The following FCRL6 variants were observed in gnomAD, a reference collection of about 807,000 sequenced individuals.
FCRL6 encodes the protein Fc receptor like 6.
Under a neutral mutation model 49.1 loss-of-function variants are expected in FCRL6, and 50 were observed. That is an observed-to-expected ratio of 1.02 (90% confidence interval 0.81 to 1.29). FCRL6 has a LOEUF of 1.29. Among genes scored for constraint, FCRL6 ranks in the 50% most tolerant of loss-of-function variants. The pLI, the probability that FCRL6 is intolerant of heterozygous loss-of-function variation, is 0.00. For missense variants in FCRL6, 571 were observed against 518.5 expected (o/e 1.10, Z -0.98); for synonymous variants, 213 against 199.6 (o/e 1.07, Z -0.57).
intron 1 of FCRL6, 131 bp downstream of exon 1, chr1:159,802,586 G>T (rs1662409452): frequency 3.8e-6 from 3 of 784,192 alleles, no homozygotes; most frequent in Middle Eastern, 2.3e-4. Context: ...ACAGGTGTGT[G>T]CACCTGGGCA....
upstream of FCRL6, among the ~76,000 whole-genome samples, chr1:159,802,038 A>G (rs377613001): frequency 2.0e-5 from 3 of 152,098 alleles, no homozygotes; most frequent in East Asian, 5.8e-4. Flanking sequence ...GCTGTCTCCC[A>G]GGCTGAATGA....
At chr1:159,803,687 T>A (rs1009613387) in intron 1 of FCRL6, among the ~76,000 whole-genome samples, 3 of 152,114 alleles carry the variant, frequency 2.0e-5, no homozygotes, top group Non-Finnish European at 2.9e-5. Flanking sequence ...CTGAGAGTGT[T>A]CCAGCTTGGA....
chr1:159,810,498 G>A (rs1663028419), intron 6 of FCRL6, among the ~76,000 whole-genome samples: 1 of 151,662 alleles, frequency 6.6e-6, no homozygotes, highest in African/African-American at 2.4e-5. Context: ...ATAAACCAAG[G>A]AATTATTACA....
In FCRL6 at chr1:159,813,557, A is replaced by G; in HGVS notation, c.1075+3A>G. 6.2e-7 allele frequency: 1 copy of G among 1,613,716 alleles called. No individual in the cohort carries two copies. ...GCAGTGCCCACTATATGCCAACGGT[A>G]AGGACTTCCAGCAGGATGGTGGTGT... On this transcript the variant is annotated splice_donor_region_variant and intron_variant, in intron 7 of 9. Coordinates refer to ENST00000368106, the MANE Select transcript of FCRL6 (RefSeq NM_001004310.3).
At position 159,814,282 on chromosome 1, in the gene FCRL6, G is replaced by T; in HGVS notation, c.1137G>T (p.Lys379Asn). ...VVYSVVHRTS[K>N]RSEARSAEFT... ...ACTCTGTGGTGCATAGAACCTCAAA[G>T]AGGAGTGAAGGTGAGTGATCTCAGG... Residue 379 changes from lysine (K) to asparagine (N), a missense_variant, in exon 8 of 10, where the codon AAG becomes AAT. Physicochemically the swap from Lys to Asn is moderately conservative, Grantham distance 94 (BLOSUM62 0). Coordinates refer to ENST00000368106, the MANE Select transcript of FCRL6 (RefSeq NM_001004310.3). 6.2e-7 allele frequency: 1 copy of T among 1,614,154 alleles called. No homozygotes were observed. Among genetic ancestry groups the T allele is most frequent in the Non-Finnish European group, 8.5e-7 (1 of 1,179,980 alleles).
At chr1:159,814,186 G>C (rs778288821) in intron 7 of FCRL6, 35 bp from the exon 8 acceptor site, 5 of 1,591,156 alleles carry the variant, frequency 3.1e-6, no homozygotes, top group Admixed American at 3.3e-5. Flanking sequence ...GGGAGAGTCA[G>C]GAGGATCCTA....
chr1:159,805,179 G>A (rs1245031497), intron 1 of FCRL6, among the ~76,000 whole-genome samples: 1 of 152,120 alleles, frequency 6.6e-6, no homozygotes, highest in South Asian at 2.1e-4. Flanking sequence ...ATAAAGAAGA[G>A]ACTCATTGTT....
In FCRL6 at chr1:159,813,565, C is replaced by A. The variant is rs984736044; in HGVS notation, c.1075+11C>A. 3.7e-6 allele frequency: 6 copies of A among 1,613,044 alleles called. No homozygotes were observed. The Admixed American group carries it at 1.0e-4, about 27-fold the overall frequency. ...CACTATATGCCAACGGTAAGGACTT[C>A]CAGCAGGATGGTGGTGTGCCCATGT... On this transcript the variant is annotated intron_variant, in intron 7 of 9. Transcript: ENST00000368106.
chr1:159,811,191 T>C (rs1663067222), intron 6 of FCRL6, among the ~76,000 whole-genome samples: 1 of 152,248 alleles, frequency 6.6e-6, no homozygotes, highest in Admixed American at 6.5e-5. Flanking sequence ...AGCAATTAGT[T>C]TGGGGGGCCA....
intron 8 of FCRL6, among the ~76,000 whole-genome samples, chr1:159,814,918 A>G (rs1055995162): frequency 6.6e-6 from 1 of 152,214 alleles, no homozygotes; most frequent in African/African-American, 2.4e-5. Flanking sequence ...TGGCAAGTCA[A>G]GTGTCCTCTC....
rs1398189756 is a variant in FCRL6, at chr1:159,814,399, A to G, written c.1147+107A>G. 5 of 771,440 alleles carry G rather than the reference A, an allele frequency of 6.5e-6. No homozygotes were observed. In the African/African-American group the frequency reaches 8.6e-5, roughly 13 times the overall value. The allele number at this position is 771,440 out of a possible 1,614,324, so 47.8% of individuals were successfully genotyped here. Reference sequence around the variant, plus strand: ...TACCACTTTTATCATTACTGTGACCACCATCACTATCACCAAGACCATCAT... The same window carrying G: ...TACCACTTTTATCATTACTGTGACCGCCATCACTATCACCAAGACCATCAT... On this transcript the variant is annotated intron_variant, in intron 8 of 9. Transcript: ENST00000368106.
chr1:159,812,813 C>G (rs1219504005), intron 6 of FCRL6, among the ~76,000 whole-genome samples: 1 of 152,180 alleles, frequency 6.6e-6, no homozygotes, highest in Non-Finnish European at 1.5e-5. Context: ...GTTCTAAAAT[C>G]TACATGTGAC....
At chr1:159,806,728 C>T in intron 2 of FCRL6, 112 bp downstream of exon 2, 6 of 1,039,028 alleles carry the variant, frequency 5.8e-6, no homozygotes, top group East Asian at 4.7e-5. Flanking sequence ...CAGAGCAGCA[C>T]CAGACTAGGC....
In FCRL6 at chr1:159,815,670, T is replaced by A. The variant is rs200367982; in HGVS notation, c.*9T>A. 3 of 1,613,842 alleles carry A rather than the reference T, an allele frequency of 1.9e-6. No homozygotes were observed. Among genetic ancestry groups the A allele is most frequent in the African/African-American group, 1.3e-5 (1 of 75,012 alleles). ...AGGAGGTTCTCTGCTAGTGATGGTG[T>A]TCTCCTATCAACACACGCCCACCCC... is the stretch of plus-strand genomic sequence containing the variant. On this transcript the variant is annotated 3_prime_UTR_variant, in exon 10 of 10. Coordinates refer to ENST00000368106, the MANE Select transcript of FCRL6 (RefSeq NM_001004310.3).
chr1:159,814,625 G>T (rs1231050822), intron 8 of FCRL6, among the ~76,000 whole-genome samples: 1 of 152,058 alleles, frequency 6.6e-6, no homozygotes, highest in African/African-American at 2.4e-5. Flanking sequence ...GGAGTTTTTT[G>T]CCCTTTCCTG....
upstream of FCRL6, chr1:159,800,632 T>C (rs761281042): frequency 6.9e-5 from 107 of 1,545,856 alleles, no homozygotes; most frequent in South Asian, 1.3e-4. Context: ...ACAAGATTTC[T>C]ACTTCCTACT....
chr1:159,804,394 C>T (rs1194146684), intron 1 of FCRL6, among the ~76,000 whole-genome samples: 2 of 152,230 alleles, frequency 1.3e-5, no homozygotes, highest in Non-Finnish European at 2.9e-5. Context: ...TAAATATCTC[C>T]CGATCCCTCA....
At chr1:159,809,834 T>A (rs1662985397) in intron 5 of FCRL6, 151 bp downstream of exon 5, 2 of 789,474 alleles carry the variant, frequency 2.5e-6, no homozygotes, top group South Asian at 3.5e-5. Flanking sequence ...AGTCCATCTG[T>A]CCACTGAGCC....
chr1:159,812,762 A>G (rs900132372), intron 6 of FCRL6, among the ~76,000 whole-genome samples: 8 of 152,216 alleles, frequency 5.3e-5, no homozygotes, highest in African/African-American at 1.9e-4. Flanking sequence ...TCTAGCTCTT[A>G]GAGTAATGAG....
Sources: gnomAD v4.1 joint callset for allele counts (sites outside exome capture counted in the v4.1 genomes callset) on GRCh38, gnomAD v4.1.1 for gene constraint, MANE v1.5 for transcripts, NCBI Gene and HGNC (gene_info 2026-07-23, HGNC 2026-07-21) for gene names.